DGKB: variants seen among roughly 807,000 people sequenced by gnomAD.
DGKB encodes diacylglycerol kinase beta.
A neutral mutation model predicts 114.3 loss-of-function variants in DGKB; 67 were observed. The ratio of observed to expected loss-of-function variants is 0.59; its 90% confidence interval spans 0.48 to 0.72. The LOEUF (loss-of-function observed/expected upper bound fraction) is 0.72, where lower values mean the gene tolerates loss of function less well. DGKB is among the 30% of genes least tolerant of loss of function. The pLI is 0.00. For synonymous variants in DGKB, 398 were observed against 323.1 expected (o/e 1.23, Z -2.49); for missense variants, 907 against 975.2 (o/e 0.93, Z 0.93).
Position 14,241,231 on chromosome 7 carries a change from T to A in DGKB, c.2123-63080A>T, listed in dbSNP as rs137942003. On this transcript the variant is annotated intron_variant, in intron 23 of 25. Coordinates refer to ENST00000402815, the MANE Select transcript of DGKB (RefSeq NM_001350709.2). ...TACTGTATATAAGACAAAATCACAA[T>A]AGAAAAAACAACCAGCAGCCTAATT... Among the ~76,000 whole-genome samples the A allele has an allele frequency of 2.6e-3, 389 of 152,198 alleles. 1 individual carries two copies. Among genetic ancestry groups the A allele is most frequent in the African/African-American group, 9.1e-3 (380 of 41,552 alleles).
At chr7:14,288,232 T>TA (rs1554331774) in intron 23 of DGKB, among the ~76,000 whole-genome samples, 11 of 140,662 alleles carry the variant, frequency 7.8e-5, no homozygotes, top group Admixed American at 1.4e-4. Flanking sequence ...TTTTTTTTTT[T>TA]AATTTTTTTT....
At chr7:14,909,595 A>C (rs1410225253) in intron 1 of DGKB, among the ~76,000 whole-genome samples, 1 of 152,216 alleles carries the variant, frequency 6.6e-6, no homozygotes, top group Non-Finnish European at 1.5e-5. Context: ...ATAAAAATTT[A>C]AATCTGCAAA....
At chr7:14,891,062 C>A (rs77808739) in intron 1 of DGKB, among the ~76,000 whole-genome samples, 1 of 151,238 alleles carries the variant, frequency 6.6e-6, no homozygotes, top group Non-Finnish European at 1.5e-5. Flanking sequence ...AATATGGTAA[C>A]GTACAGGTAC....
chr7:14,260,692 C>T (rs1796642237), intron 23 of DGKB, among the ~76,000 whole-genome samples: 1 of 152,170 alleles, frequency 6.6e-6, no homozygotes. Context: ...GGCAACAAGG[C>T]ACTTTTAGTT....
At chr7:14,507,702 T>C (rs1787311811) in intron 20 of DGKB, among the ~76,000 whole-genome samples, 1 of 152,272 alleles carries the variant, frequency 6.6e-6, no homozygotes, top group Admixed American at 6.5e-5. Context: ...GTATGCTACG[T>C]CTTGCAGCAT....
intron 5 of DGKB, among the ~76,000 whole-genome samples, chr7:14,729,123 C>CTTTTT (rs1162368398): frequency 1.2e-3 from 139 of 113,292 alleles, no homozygotes; most frequent in African/African-American, 1.5e-3. Context: ...CATTTTCTTT[C>CTTTTT]TTTTTTTTTT....
intron 2 of DGKB, among the ~76,000 whole-genome samples, chr7:14,833,722 C>T (rs1044501644): frequency 5.3e-5 from 8 of 152,134 alleles, no homozygotes; most frequent in African/African-American, 1.9e-4. Flanking sequence ...ACAAATATGT[C>T]TATACACCAA....
intron 16 of DGKB, among the ~76,000 whole-genome samples, chr7:14,613,112 G>A (rs567123274): frequency 6.6e-6 from 1 of 152,122 alleles, no homozygotes; most frequent in Non-Finnish European, 1.5e-5. Context: ...GGGGTAGAGA[G>A]AATTCAAACA....
chr7:14,679,706 G>C (rs1820500141), intron 12 of DGKB, among the ~76,000 whole-genome samples: 1 of 151,968 alleles, frequency 6.6e-6, no homozygotes. Flanking sequence ...GAAAGTGTAA[G>C]AGCAAAAGAA....
intron 6 of DGKB, among the ~76,000 whole-genome samples, chr7:14,712,028 G>T (rs1448439868): frequency 6.6e-6 from 1 of 152,070 alleles, no homozygotes; most frequent in Non-Finnish European, 1.5e-5. Context: ...AAAGCAGGGA[G>T]GAGGGGAAAC....
chr7:14,672,803 G>C (rs1207972740), intron 13 of DGKB, 126 bp downstream of exon 13: 2 of 485,930 alleles, frequency 4.1e-6, no homozygotes, highest in Non-Finnish European at 7.5e-6. Context: ...GAGTAACGAC[G>C]TATTTTAGAT....
intron 20 of DGKB, among the ~76,000 whole-genome samples, chr7:14,532,802 C>A (rs2128597417): frequency 6.6e-6 from 1 of 151,702 alleles, no homozygotes; most frequent in South Asian, 2.1e-4. Context: ...TAGAACACCC[C>A]ACCTACCAAC....
At chr7:14,703,323 G>A (rs1011256387) in intron 6 of DGKB, among the ~76,000 whole-genome samples, 3 of 152,150 alleles carry the variant, frequency 2.0e-5, no homozygotes, top group African/African-American at 4.8e-5. Context: ...GCTCAAATTT[G>A]TGGAAACCCT....
Position 14,830,270 on chromosome 7 carries a change from C to G in DGKB, c.70+10924G>C, listed in dbSNP as rs568952758. On this transcript the variant is annotated intron_variant, in intron 2 of 25. Coordinates refer to ENST00000402815, the MANE Select transcript of DGKB (RefSeq NM_001350709.2). ...TATGAATAATCAGAATCTATTCTCT[C>G]TGTTCCATGGATGCTGTGGGAGTTT... Among the ~76,000 whole-genome samples the G allele has an allele frequency of 4.6e-5, 7 of 152,170 alleles. No homozygotes were observed. The South Asian group carries it at 1.5e-3, about 32-fold the overall frequency.
intron 23 of DGKB, among the ~76,000 whole-genome samples, chr7:14,201,739 G>A (rs1785926129): frequency 6.6e-6 from 1 of 151,490 alleles, no homozygotes; most frequent in Admixed American, 6.6e-5. Context: ...AGGACGGCCT[G>A]GTGAATATAT....
At chr7:14,864,400 C>T (rs1436487550) in intron 1 of DGKB, among the ~76,000 whole-genome samples, 2 of 152,080 alleles carry the variant, frequency 1.3e-5, no homozygotes, top group Non-Finnish European at 2.9e-5. Flanking sequence ...CACCATCCTT[C>T]AATCAATATG....
chr7:14,407,037 C>A (rs1824050716), intron 21 of DGKB, among the ~76,000 whole-genome samples: 1 of 151,908 alleles, frequency 6.6e-6, no homozygotes, highest in African/African-American at 2.4e-5. Flanking sequence ...TACATGAGGT[C>A]TATAGAAGGT....
At chr7:14,658,822 T>C (rs1816395806) in intron 13 of DGKB, among the ~76,000 whole-genome samples, 2 of 151,982 alleles carry the variant, frequency 1.3e-5, no homozygotes, top group African/African-American at 2.4e-5. Flanking sequence ...TAAATATACA[T>C]TTTTCAAATA....
At chr7:14,968,579 C>G (rs1206279277) in intron 1 of DGKB, among the ~76,000 whole-genome samples, 2 of 152,216 alleles carry the variant, frequency 1.3e-5, no homozygotes, top group Admixed American at 1.3e-4. Flanking sequence ...AACCAAATCT[C>G]AGACTTTGAA....
Sources: allele counts gnomAD v4.1 joint callset (sites outside exome capture counted in the v4.1 genomes callset), GRCh38; gene constraint gnomAD v4.1.1; transcripts MANE v1.5; gene names NCBI Gene and HGNC (gene_info 2026-07-23, HGNC 2026-07-21).